GPHN: variants seen among roughly 807,000 people sequenced by gnomAD.
GPHN encodes gephyrin.
GPHN carries 17 observed loss-of-function variants against 95.5 expected under a neutral mutation model. That is an observed-to-expected ratio of 0.18 (90% confidence interval 0.12 to 0.27). The LOEUF (loss-of-function observed/expected upper bound fraction) is 0.27. GPHN is among the 10% of genes least tolerant of loss of function. The probability of loss-of-function intolerance (pLI) is 1.00; values close to 1 mark genes in which losing one functional copy is unlikely to be tolerated. For missense variants in GPHN, 660 were observed against 978.1 expected, an observed-to-expected ratio of 0.67 and a Z score of 4.34; for synonymous variants, 320 against 322.5, an observed-to-expected ratio of 0.99 and a Z score of 0.08.
At chr14:66,657,233 A>G (rs1002955495) in intron 1 of GPHN, among the ~76,000 whole-genome samples, 1 of 152,368 alleles carries the variant, frequency 6.6e-6, no homozygotes, top group Non-Finnish European at 1.5e-5. Context: ...CTTCAGCCCT[A>G]CAAAGGCTAA....
intron 10 of GPHN, among the ~76,000 whole-genome samples, chr14:67,049,472 G>T (rs1387737578): frequency 1.3e-5 from 2 of 150,554 alleles, no homozygotes; most frequent in East Asian, 3.9e-4. Flanking sequence ...ACAGTAAGAG[G>T]TGCTTTGGGT....
chr14:67,705,022 T>C, the GPHN span, among the ~76,000 whole-genome samples: 4 of 152,198 alleles, frequency 2.6e-5, no homozygotes, highest in African/African-American at 9.7e-5. Context: ...CTGTCAGCTA[T>C]GCCATTTTGT....
At chr14:66,840,684 A>ATTGAATCAAAAAAT (rs2153507369) in intron 4 of GPHN, among the ~76,000 whole-genome samples, 1 of 149,702 alleles carries the variant, frequency 6.7e-6, no homozygotes, top group East Asian at 2.0e-4. Flanking sequence ...TCTTTTGATT[A>ATTGAATCAAAAAAT]TCTCTTGAAT....
At chr14:66,851,497 T>G (rs1421902949) in intron 4 of GPHN, among the ~76,000 whole-genome samples, 1 of 152,196 alleles carries the variant, frequency 6.6e-6, no homozygotes. Context: ...TTTGTAAAAT[T>G]GATTCATATT....
intron 1 of GPHN, among the ~76,000 whole-genome samples, chr14:66,537,493 A>G (rs1021377315): frequency 2.6e-5 from 4 of 151,860 alleles, no homozygotes; most frequent in Admixed American, 2.6e-4. Context: ...ACAATGCAAA[A>G]CTTAGGACAG....
Position 67,181,256 on chromosome 14 carries a change from T to C in GPHN, c.*319T>C, listed in dbSNP as rs769174216. On this transcript the variant is annotated 3_prime_UTR_variant, in exon 23 of 23. Coordinates refer to ENST00000478722, the MANE Select transcript of GPHN (RefSeq NM_020806.5). ...TAGGTGCCTGCAGAACTTGTGTTTT[T>C]CTCATCTTTAAAATACAACTACTTA... 28 of 456,046 alleles carry C rather than the reference T, an allele frequency of 6.1e-5. No homozygotes were observed. The highest frequency in any genetic ancestry group is 1.1e-4 in the Non-Finnish European group (28 of 246,656). 28.2% of individuals were successfully genotyped at this position (456,046 alleles called of 1,614,324 possible).
chr14:67,359,821 T>A, the GPHN span: 2 of 1,143,192 alleles, frequency 1.7e-6, no homozygotes, highest in East Asian at 4.9e-5. Flanking sequence ...TGACCCCTCT[T>A]GTTGCTAAGA....
rs764623558 is a variant in GPHN at position 66,508,574 on chromosome 14, G to A, written c.47G>A (p.Arg16His). The change falls in exon 1 of 23, where the codon CGT becomes CAT. Residue 16 changes from arginine to histidine, a missense_variant. This residue lies in a region of GPHN where 92 missense variants were observed against 91.9 expected (regional missense o/e 1.00). Transcript: ENST00000478722. ...MILTNHDHQI[R>H]VGVLTVSDSC... ...CTTACTAACCACGACCATCAAATCC[G>A]TGTCGGAGTCCTTACAGGTAACCGG... 3.1e-6 allele frequency: 5 copies of A among 1,613,966 alleles called. No homozygotes were observed. The highest frequency in any genetic ancestry group is 2.7e-5 in the African/African-American group (2 of 75,066).
At chr14:67,507,858 G>A in the GPHN span, among the ~76,000 whole-genome samples, 9 of 152,210 alleles carry the variant, frequency 5.9e-5, no homozygotes, top group African/African-American at 1.7e-4. Flanking sequence ...CAATGACTGG[G>A]CTGGGCATGT....
chr14:67,130,926 GTGTCT>G (rs2079660056), intron 17 of GPHN, among the ~76,000 whole-genome samples: 1 of 152,114 alleles, frequency 6.6e-6, no homozygotes, highest in South Asian at 2.1e-4. Flanking sequence ...CTTTTGAGAA[GTGTCT>G]GTTCAGGTTT....
At chr14:67,327,723 A>G in the GPHN span, among the ~76,000 whole-genome samples, 1 of 151,834 alleles carries the variant, frequency 6.6e-6, no homozygotes, top group African/African-American at 2.4e-5. Flanking sequence ...CCCACTTATG[A>G]GTGAGAACAT....
At chr14:67,580,032 AT>A in the GPHN span, 1 of 667,046 alleles carries the variant, frequency 1.5e-6, no homozygotes, top group South Asian at 2.0e-5. Context: ...CCATCCTAAA[AT>A]GTACCTGGGC....
At chr14:66,846,489 C>G (rs1004607470) in intron 4 of GPHN, among the ~76,000 whole-genome samples, 1 of 152,070 alleles carries the variant, frequency 6.6e-6, no homozygotes, top group South Asian at 2.1e-4. Context: ...CAATTTTGTT[C>G]TTTTCATCTA....
chr14:67,695,528 C>G, the GPHN span: 1 of 1,162,596 alleles, frequency 8.6e-7, no homozygotes, highest in East Asian at 2.6e-5. Flanking sequence ...ATCTTGGAGC[C>G]CCCCCAGGGG....
At chr14:67,051,111 A>C (rs1234720785) in intron 10 of GPHN, among the ~76,000 whole-genome samples, 1 of 152,178 alleles carries the variant, frequency 6.6e-6, no homozygotes, top group Non-Finnish European at 1.5e-5. Context: ...GGCTGCCATC[A>C]CTGCAGCTGC....
chr14:67,429,784 A>T, the GPHN span, among the ~76,000 whole-genome samples: 1 of 152,064 alleles, frequency 6.6e-6, no homozygotes, highest in Non-Finnish European at 1.5e-5. Context: ...GAAAACTAAC[A>T]TTCCTTAAGG....
At chr14:66,730,588 A>G (rs968937834) in intron 2 of GPHN, among the ~76,000 whole-genome samples, 1 of 152,206 alleles carries the variant, frequency 6.6e-6, no homozygotes, top group Admixed American at 6.5e-5. Flanking sequence ...AATGAAGAAA[A>G]GTAATATTAA....
At chr14:67,215,857 A>C in the GPHN span, among the ~76,000 whole-genome samples, 3 of 152,190 alleles carry the variant, frequency 2.0e-5, no homozygotes, top group African/African-American at 7.2e-5. Flanking sequence ...ACACTTCAAA[A>C]TCATACCACA....
chr14:67,342,498 A>G, the GPHN span, among the ~76,000 whole-genome samples: 2 of 150,302 alleles, frequency 1.3e-5, no homozygotes, highest in Non-Finnish European at 3.0e-5. Flanking sequence ...TCGACTTTAC[A>G]TAGTTTACCT....
Sources: allele counts gnomAD v4.1 joint callset (sites outside exome capture counted in the v4.1 genomes callset), GRCh38; gene constraint gnomAD v4.1.1; regional missense constraint gnomAD v4.1.1; transcripts MANE v1.5; gene names NCBI Gene and HGNC (gene_info 2026-07-23, HGNC 2026-07-21).